TRAF3: variants seen among roughly 807,000 people sequenced by gnomAD.
TRAF3 encodes the protein TNF receptor-associated factor 3.
TRAF3 carries 13 observed loss-of-function variants against 62.3 expected under a neutral mutation model. The ratio of observed to expected loss-of-function variants is 0.21; its 90% CI spans 0.14 to 0.33. TRAF3 has a LOEUF of 0.33. Among genes scored for constraint, TRAF3 ranks in the 10% least tolerant of loss-of-function variants. The probability of loss-of-function intolerance (pLI) is 1.00; values close to 1 mark genes in which losing one functional copy is unlikely to be tolerated. For synonymous variants in TRAF3, 269 were observed against 283.4 expected, an observed-to-expected ratio of 0.95 and a Z score of 0.51; for missense variants, 440 against 741.8, an observed-to-expected ratio of 0.59 and a Z score of 4.73.
At chr14:102,805,189 G>A (rs1300816583) in intron 1 of TRAF3, among the ~76,000 whole-genome samples, 2 of 152,088 alleles carry the variant, frequency 1.3e-5, no homozygotes, top group Non-Finnish European at 2.9e-5. Context: ...TTTTACTCTG[G>A]ACACCCCATC....
chr14:102,846,638 TAAAAAAAAA>T (rs752922791), intron 2 of TRAF3, among the ~76,000 whole-genome samples: 8 of 71,786 alleles, frequency 1.1e-4, no homozygotes, highest in African/African-American at 3.8e-4. Context: ...TCCAGCTTCT[TAAAAAAAAA>T]AAAAAAAAAA....
chr14:102,810,108 T>G (rs565471446), intron 1 of TRAF3, among the ~76,000 whole-genome samples: 3 of 152,296 alleles, frequency 2.0e-5, no homozygotes, highest in Non-Finnish European at 4.4e-5. Context: ...TCTGGCTCTT[T>G]ATGGGAAAAA....
chr14:102,899,826 G>A (rs1416763418), intron 10 of TRAF3, among the ~76,000 whole-genome samples: 2 of 152,102 alleles, frequency 1.3e-5, no homozygotes, highest in African/African-American at 4.8e-5. Flanking sequence ...TTTTTTGCCT[G>A]TCCGGGGAAC....
chr14:102,803,576 A>ATT (rs747187998), intron 1 of TRAF3, among the ~76,000 whole-genome samples: 3 of 144,802 alleles, frequency 2.1e-5, no homozygotes, highest in East Asian at 2.0e-4. Flanking sequence ...CAGAAGTATA[A>ATT]TTTTTTTTTT....
intron 1 of TRAF3, among the ~76,000 whole-genome samples, chr14:102,782,702 A>T (rs1242736283): frequency 9.1e-5 from 3 of 32,858 alleles, no homozygotes; most frequent in South Asian, 3.2e-3. Context: ...TTCGAGCATT[A>T]AAAAAAAAAA....
At chr14:102,849,347 C>A (rs947070779) in intron 2 of TRAF3, among the ~76,000 whole-genome samples, 1 of 152,192 alleles carries the variant, frequency 6.6e-6, no homozygotes, top group African/African-American at 2.4e-5. Context: ...GGTTGCATAT[C>A]GAGTGGACTG....
chr14:102,851,217 A>G (rs1160386202), intron 2 of TRAF3, among the ~76,000 whole-genome samples: 1 of 152,254 alleles, frequency 6.6e-6, no homozygotes, highest in Non-Finnish European at 1.5e-5. Context: ...TCATATCTAA[A>G]TTTTAGGATA....
At chr14:102,883,866 C>G (rs1331016231) in intron 6 of TRAF3, among the ~76,000 whole-genome samples, 2 of 152,232 alleles carry the variant, frequency 1.3e-5, no homozygotes, top group African/African-American at 2.4e-5. Context: ...GCTTCCGCAC[C>G]CGGCCTGTGC....
chr14:102,905,983 C>T lies in TRAF3; in HGVS notation c.*199C>T, dbSNP rs867164932. 7 of 503,898 alleles carry T rather than the reference C, an allele frequency of 1.4e-5. No homozygotes were observed. The highest frequency in any genetic ancestry group is 1.0e-3 in the Middle Eastern group (2 of 1,970). The allele number at this position is 503,898 out of a possible 1,614,324, so 31.2% of individuals were successfully genotyped here. On this transcript the variant is annotated 3_prime_UTR_variant, in exon 12 of 12. Transcript: ENST00000392745. ...TATAATAGACTAGCCACACTTCACT[C>T]TGAAGAATTATTTATCCTTCAACAA... is the stretch of plus-strand genomic sequence containing the variant.
rs58263343 is a variant in TRAF3, at chr14:102,795,598, A to ATGTG, written c.-157+17942_-157+17945dup. ...TGATATGTATGCATGATATGTATATATGTGTGTGTGTGTGTGTGTGTGCAT... is the reference window on the plus strand; with the variant it reads ...TGATATGTATGCATGATATGTATATATGTGTGTGTGTGTGTGTGTGTGTGTGCAT... On this transcript the variant is annotated intron_variant, in intron 1 of 11. Transcript: ENST00000392745. Among the ~76,000 whole-genome samples the ATGTG allele has an allele frequency of 5.7e-4, 85 of 149,314 alleles. No homozygotes were observed. The East Asian group carries it at 8.8e-3, about 15-fold the overall frequency.
rs548451245 is a variant in TRAF3 at position 102,799,338 on chromosome 14, A to G, written c.-157+21663A>G. On this transcript the variant is annotated intron_variant, in intron 1 of 11. Coordinates refer to ENST00000392745, the MANE Select transcript of TRAF3 (RefSeq NM_145725.3). Reference sequence around the variant, plus strand: ...TCCATCTTAGCATCTCGTGAGCATAATTCAGAATACACAGTTTGATTAAGT... The same window carrying G: ...TCCATCTTAGCATCTCGTGAGCATAGTTCAGAATACACAGTTTGATTAAGT... Among the ~76,000 whole-genome samples the G allele has an allele frequency of 3.9e-5, 6 of 152,340 alleles. No individual in the cohort carries two copies. The South Asian group carries it at 1.2e-3, about 32-fold the overall frequency.
intron 1 of TRAF3, among the ~76,000 whole-genome samples, chr14:102,788,706 G>A (rs1897626893): frequency 6.6e-6 from 1 of 152,224 alleles, no homozygotes; most frequent in African/African-American, 2.4e-5. Context: ...GCTGAGGCAG[G>A]AGAATCACTT....
At position 102,871,945 on chromosome 14, in the gene TRAF3, C is replaced by A; in HGVS notation, c.274C>A (p.Gln92Lys). Residue 92 changes from glutamine to lysine, a missense_variant, in exon 4 of 12, where the codon CAA becomes AAA. Physicochemically the swap from Gln to Lys is moderately conservative, Grantham distance 53. Transcript: ENST00000392745. The part of the protein sequence containing the change: ...SSSSPKCTAC[Q>K]ESIVKDKVFK... ...TTCAAGTCCAAAATGTACAGCGTGT[C>A]AAGAGAGCATCGTTAAAGATAAGGT... The A allele has an allele frequency of 6.2e-7, 1 of 1,614,156 alleles. No individual in the cohort carries two copies. The highest frequency in any genetic ancestry group is 1.1e-5 in the South Asian group (1 of 91,076).
At chr14:102,833,713 G>A (rs1389598696) in intron 2 of TRAF3, among the ~76,000 whole-genome samples, 1 of 152,234 alleles carries the variant, frequency 6.6e-6, no homozygotes, top group African/African-American at 2.4e-5. Context: ...TCGGGCATGT[G>A]GCCGGGTGCG....
chr14:102,869,187 CTG>C (rs1363538970), intron 2 of TRAF3, among the ~76,000 whole-genome samples: 1 of 152,248 alleles, frequency 6.6e-6, no homozygotes, highest in Non-Finnish European at 1.5e-5. Flanking sequence ...CTCCACAGCT[CTG>C]TGCACAGCAT....
chr14:102,885,614 T>C (rs953796767), intron 6 of TRAF3, among the ~76,000 whole-genome samples: 3 of 152,256 alleles, frequency 2.0e-5, no homozygotes, highest in Non-Finnish European at 4.4e-5. Context: ...ACCCAAAACC[T>C]ATCCCAATTT....
intron 11 of TRAF3, among the ~76,000 whole-genome samples, chr14:102,904,888 G>GATC (rs1472444007): frequency 2.6e-5 from 4 of 151,154 alleles, no homozygotes; most frequent in Non-Finnish European, 5.9e-5. Flanking sequence ...GAGGCAGGTG[G>GATC]ATCACCTGAG....
At chr14:102,850,386 T>C (rs1886962673) in intron 2 of TRAF3, among the ~76,000 whole-genome samples, 1 of 152,144 alleles carries the variant, frequency 6.6e-6, no homozygotes, top group South Asian at 2.1e-4. Flanking sequence ...AAAATTCTGC[T>C]TAAAGAAGAC....
chr14:102,867,683 A>T (rs1888083147), intron 2 of TRAF3, among the ~76,000 whole-genome samples: 1 of 151,980 alleles, frequency 6.6e-6, no homozygotes, highest in Admixed American at 6.6e-5. Flanking sequence ...AGGCTGGTCA[A>T]CCCTTTTACC....
Sources: gnomAD v4.1 joint callset for allele counts (sites outside exome capture counted in the v4.1 genomes callset) on GRCh38, gnomAD v4.1.1 for gene constraint, MANE v1.5 for transcripts, NCBI Gene and HGNC (gene_info 2026-07-23, HGNC 2026-07-21) for gene names.